Variants in NAPRT observed in about 807,000 individuals in gnomAD.
NAPRT encodes nicotinate phosphoribosyltransferase, also known as FHA-HIT-interacting protein.
NAPRT carries 66 observed loss-of-function variants against 60.7 expected under a neutral mutation model. That is an observed-to-expected ratio of 1.09 (90% CI 0.89 to 1.33). The LOEUF (loss-of-function observed/expected upper bound fraction) is 1.33. NAPRT is among the 40% of genes most tolerant of loss of function. NAPRT has a pLI of 0.00. For synonymous variants in NAPRT, 405 were observed against 335.7 expected, an observed-to-expected ratio of 1.21 and a Z score of -2.26; for missense variants, 818 against 731.5, an observed-to-expected ratio of 1.12 and a Z score of -1.36.
Position 143,578,272 on chromosome 8 carries a change from AGCGGC to A in NAPRT, c.42_46del (p.Pro15AlafsTer3). On this transcript the variant is annotated frameshift_variant, in exon 1 of 13. Coordinates refer to ENST00000449291, the MANE Select transcript of NAPRT (RefSeq NM_145201.6). LOFTEE classifies it high-confidence loss of function. ...GGTGGCCTGGTAGAGGTCAGTGAGCAGCGGCCGCGCCGCCGCGCGCGCCTCGGGGT... is the reference window on the plus strand; with the variant it reads ...GGTGGCCTGGTAGAGGTCAGTGAGCACGCGCCGCCGCGCGCGCCTCGGGGT... 1 of 1,418,708 alleles carries A rather than the reference AGCGGC, an allele frequency of 7.0e-7. No individual in the cohort carries two copies. The highest frequency in any genetic ancestry group is 1.5e-5 in the South Asian group (1 of 66,970). 87.9% of individuals were successfully genotyped at this position (1,418,708 alleles called of 1,614,324 possible). A position where few individuals can be genotyped will look rare whatever the true frequency, so the allele number is the denominator to read the frequency against.
chr8:143,576,958 G>A (rs1056216068), intron 5 of NAPRT, 104 bp downstream of exon 5: 2 of 1,501,594 alleles, frequency 1.3e-6, no homozygotes, highest in Non-Finnish European at 1.8e-6. Context: ...AGCTTCCTGG[G>A]ACAGCACTGG....
rs1426043763 is a variant in NAPRT, at chr8:143,578,272, AGCGGCCGC to A, written c.39_46del (p.Arg14AlafsTer3). The A allele has an allele frequency of 2.1e-6, 3 of 1,418,598 alleles. No individual in the cohort carries two copies. Among genetic ancestry groups the A allele is most frequent in the Admixed American group, 3.4e-5 (1 of 29,054 alleles). 87.9% of individuals were successfully genotyped at this position (1,418,598 alleles called of 1,614,324 possible). On this transcript the variant is annotated frameshift_variant, in exon 1 of 13. Coordinates refer to ENST00000449291, the MANE Select transcript of NAPRT (RefSeq NM_145201.6). LOFTEE classifies it high-confidence loss of function. Reference sequence around the variant, plus strand: ...GGTGGCCTGGTAGAGGTCAGTGAGCAGCGGCCGCGCCGCCGCGCGCGCCTCGGGGTCCT... The same window carrying A: ...GGTGGCCTGGTAGAGGTCAGTGAGCAGCCGCCGCGCGCGCCTCGGGGTCCT...
At chr8:143,576,279 T>TGGGAGCTCCTA in intron 7 of NAPRT, 117 bp from the exon 8 acceptor site, 1 of 1,367,296 alleles carries the variant, frequency 7.3e-7, no homozygotes, top group Middle Eastern at 1.9e-4. Context: ...ACCTTCTGCT[T>TGGGAGCTCCTA]GGGAGCTCCT....
At chr8:143,572,994 T>G (rs1037945692), downstream of NAPRT, 15 of 449,620 alleles carry the variant, frequency 3.3e-5, no homozygotes, top group African/African-American at 2.4e-4. Context: ...AGCTGGCAGA[T>G]CCACGAAGAA....
At chr8:143,575,119 A>G in intron 11 of NAPRT, 26 bp from the exon 12 acceptor site, 1 of 1,550,706 alleles carries the variant, frequency 6.4e-7, no homozygotes, top group Non-Finnish European at 8.7e-7. Flanking sequence ...AAGGAAAGAG[A>G]AGCTTGGGGC....
rs1248296390 is a variant in NAPRT at position 143,577,603 on chromosome 8, G to A, written c.437+54C>T. 4 of 1,525,548 alleles carry A rather than the reference G, an allele frequency of 2.6e-6. No individual in the cohort carries two copies. The Admixed American group carries it at 7.9e-5, about 30-fold the overall frequency. The allele number at this position is 1,525,548 out of a possible 1,614,324, so 94.5% of individuals were successfully genotyped here. A position where few individuals can be genotyped will look rare whatever the true frequency, so the allele number is the denominator to read the frequency against. On this transcript the variant is annotated intron_variant, in intron 3 of 12. Coordinates refer to ENST00000449291, the MANE Select transcript of NAPRT (RefSeq NM_145201.6). ...CCGCCACAGTCCAGCACGGAGCCCC[G>A]GCGCTGGGGGCCCATCCCATGCCCA...
At chr8:143,578,017 G>A in intron 1 of NAPRT, 74 bp from the exon 2 acceptor site, 3 of 1,541,804 alleles carry the variant, frequency 1.9e-6, no homozygotes, top group Non-Finnish European at 1.8e-6. Flanking sequence ...TTCCACGGGG[G>A]GACAAGGACT....
chr8:143,575,227 C>T lies in NAPRT; in HGVS notation c.1410G>A (p.Val470=). 6.2e-7 allele frequency: 1 copy of T among 1,612,058 alleles called. No homozygotes were observed. Among genetic ancestry groups the T allele is most frequent in the Non-Finnish European group, 8.5e-7 (1 of 1,179,732 alleles). The stretch of plus-strand genomic sequence containing the variant: ...GGAGGCAGAGCCGCAGTAGTGGCTC[C>T]ACCTGGGCTGGCCTCACGGTGCAGG... ...QEPCTVRPAQ[V]EPLLRLCLQQ... is the part of the protein sequence containing the mutation. Residue 470 remains valine, a synonymous_variant, in exon 11 of 13, where the codon GTG becomes GTA. Transcript: ENST00000449291.
At position 143,576,486 on chromosome 8, in the gene NAPRT, T is replaced by A; in HGVS notation, c.968A>T (p.Asp323Val). 2 of 1,612,514 alleles carry A rather than the reference T, an allele frequency of 1.2e-6. No homozygotes were observed. The highest frequency in any genetic ancestry group is 1.7e-5 in the Admixed American group (1 of 59,972). Residue 323 changes from aspartate to valine, a missense_variant, in exon 7 of 13, where the codon GAC becomes GTC. Physicochemically the swap from Asp to Val is radical, Grantham distance 152. Transcript: ENST00000449291. ...RAVGVRLDSG[D>V]LLQQAQEIRK... ...GATCTCCTGAGCCTGCTGTAGCAGG[T>A]CACCACTGTCCAGCCTCACGCCCAC... is the stretch of plus-strand genomic sequence containing the variant.
intron 5 of NAPRT, 64 bp from the exon 6 acceptor site, chr8:143,576,906 G>C: frequency 1.3e-6 from 2 of 1,528,422 alleles, no homozygotes; most frequent in Non-Finnish European, 1.8e-6. Context: ...GGAGCAGCCA[G>C]GGACACCCTA....
rs1824674580 is a variant in NAPRT at position 143,578,314 on chromosome 8, G to A, written c.5C>T (p.Ala2Val). M[A>V]AEQDPEARAA... is the part of the protein sequence containing the mutation. Reference sequence around the variant, plus strand: ...GCGCGCCTCGGGGTCCTGCTCCGCCGCCATCCTGCTCCCGACGTCCGGACT... The same window carrying A: ...GCGCGCCTCGGGGTCCTGCTCCGCCACCATCCTGCTCCCGACGTCCGGACT... Residue 2 changes from alanine (A) to valine (V), a missense_variant, in exon 1 of 13, where the codon GCG becomes GTG. Coordinates refer to ENST00000449291, the MANE Select transcript of NAPRT (RefSeq NM_145201.6). 3 of 1,367,312 alleles carry A rather than the reference G, an allele frequency of 2.2e-6. No individual in the cohort carries two copies. The highest frequency in any genetic ancestry group is 4.0e-5 in the Admixed American group (1 of 25,244). 84.7% of individuals were successfully genotyped at this position (1,367,312 alleles called of 1,614,324 possible). A position where few individuals can be genotyped will look rare whatever the true frequency, so the allele number is the denominator to read the frequency against.
rs1824658045 is a variant in NAPRT, at chr8:143,578,205, G to A, written c.114C>T (p.Ala38=). 2 of 1,506,872 alleles carry A rather than the reference G, an allele frequency of 1.3e-6. No individual in the cohort carries two copies. Among genetic ancestry groups the A allele is most frequent in the Admixed American group, 2.2e-5 (1 of 45,108 alleles). 93.3% of individuals were successfully genotyped at this position (1,506,872 alleles called of 1,614,324 possible). The change falls in exon 1 of 13, where the codon GCC becomes GCT. Residue 38 remains alanine (A), a synonymous_variant. Transcript: ENST00000449291. ...GGCGGAAGAAGAGCTCGAACTCGGC[G>A]GCGTCCCGCGCCCGGCCCGCGCGCC... ...GYWRAGRARD[A]AEFELFFRRC...
At chr8:143,575,747 G>C (rs1299416074) in intron 8 of NAPRT, 45 bp from the exon 9 acceptor site, 2 of 1,406,524 alleles carry the variant, frequency 1.4e-6, no homozygotes, top group East Asian at 2.5e-5. Flanking sequence ...GCCCTGGGTG[G>C]GGAAGGGGGT....
chr8:143,572,964 C>A, downstream of NAPRT: 1 of 480,462 alleles, frequency 2.1e-6, no homozygotes, highest in Admixed American at 3.8e-5. Context: ...CACCAGGGCC[C>A]TGAGAACAGG....
chr8:143,576,969 G>C (rs1233272325), intron 5 of NAPRT, 93 bp downstream of exon 5: 2 of 1,512,232 alleles, frequency 1.3e-6, no homozygotes, highest in African/African-American at 2.7e-5. Context: ...ACAGCACTGG[G>C]GTGACCTGCC....
At position 143,577,392 on chromosome 8, in the gene NAPRT, C is replaced by A. The variant is rs755558763; in HGVS notation, c.445G>T (p.Ala149Ser). Residue 149 changes from alanine (A) to serine (S), a missense_variant, in exon 4 of 13, where the codon GCC (alanine) becomes TCC (serine). Physicochemically the swap from Ala to Ser is moderately conservative, Grantham distance 99. Coordinates refer to ENST00000449291, the MANE Select transcript of NAPRT (RefSeq NM_145201.6). ...LCLVSYASLV[A>S]TNAARLRLIA... ...AAGCGAAGCCGCGCTGCGTTGGTGG[C>A]CACCAGGCTGTGGGGAGCCAAGAGT... is the stretch of plus-strand genomic sequence containing the variant. The A allele has an allele frequency of 3.1e-6, 5 of 1,606,592 alleles. No homozygotes were observed. The South Asian group carries it at 3.3e-5, about 11-fold the overall frequency.
Position 143,576,810 on chromosome 8 carries a change from C to T in NAPRT, c.717G>A (p.Gly239=). ...MLAPAAGEGP[G]VDLAAKAQVW... is the part of the protein sequence containing the mutation. ...CCTGGGCTTTGGCCGCCAGGTCCAC[C>T]CCAGGGCCCTCACCAGCTGCTGGCG... is the stretch of plus-strand genomic sequence containing the variant. Residue 239 remains glycine (G), a synonymous_variant, in exon 6 of 13, where the codon GGG becomes GGA. Transcript: ENST00000449291. The T allele has an allele frequency of 6.2e-7, 1 of 1,604,436 alleles. No homozygotes were observed. The highest frequency in any genetic ancestry group is 1.3e-5 in the African/African-American group (1 of 74,876).
chr8:143,575,350 G>C lies in NAPRT; in HGVS notation c.1292-5C>G. On this transcript the variant is annotated splice_polypyrimidine_tract_variant and splice_region_variant and intron_variant, in intron 10 of 12. Transcript: ENST00000449291. The stretch of plus-strand genomic sequence containing the variant: ...GCATGTCCATGAGTGGAGACCCTGT[G>C]TGGACGGGGCAAGAATAAGCGGGGG... The C allele has an allele frequency of 6.2e-7, 1 of 1,609,664 alleles. No individual in the cohort carries two copies. Among genetic ancestry groups the C allele is most frequent in the Non-Finnish European group, 8.5e-7 (1 of 1,177,322 alleles).
At position 143,574,839 on chromosome 8, in the gene NAPRT, CA is replaced by C. The variant is rs763622628; in HGVS notation, c.1615del (p.Ter539GlufsTer?). The C allele has an allele frequency of 3.2e-6, 5 of 1,550,672 alleles. No homozygotes were observed. Among genetic ancestry groups the C allele is most frequent in the South Asian group, 2.4e-5 (2 of 84,064 alleles). The stretch of plus-strand genomic sequence containing the variant: ...TTCCAGTCAGCCCCGCTCCGAGTCT[CA>C]GGGGGACTGCCCCGCACACAGACTG... ...VNSLCAGQSP[*>X] On this transcript the variant is annotated frameshift_variant and stop_lost, in exon 13 of 13. Transcript: ENST00000449291. LOFTEE classifies it high-confidence loss of function.
Sources: gnomAD v4.1 joint callset for allele counts on GRCh38, gnomAD v4.1.1 for gene constraint, MANE v1.5 for transcripts, NCBI Gene and HGNC (gene_info 2026-07-23, HGNC 2026-07-21) for gene names.